Variants in OR56A3 observed in about 807,000 individuals in gnomAD.
The protein encoded by OR56A3 is olfactory receptor 56A3.
A neutral mutation model predicts 17.5 loss-of-function variants in OR56A3; 23 were observed. The observed-to-expected ratio is 1.32, with a 90% CI of 0.95 to 1.87. OR56A3 has a LOEUF of 1.87. OR56A3 is among the 40% of genes most tolerant of loss of function. The probability of loss-of-function intolerance (pLI) is 0.00; values close to 1 mark genes in which losing one functional copy is unlikely to be tolerated. For missense variants in OR56A3, 366 were observed against 380.1 expected (o/e 0.96, Z 0.31); for synonymous variants, 175 against 150.6 (o/e 1.16, Z -1.19).
rs151274696 is a variant in OR56A3, at chr11:5,951,313, A to G, written c.*3019A>G. ...TATCAGAAGGTAAATGATAAACATT[A>G]TTTGTAATTCATTAAATTTTTCTTT... On this transcript the variant is annotated 3_prime_UTR_variant, in exon 3 of 3. Coordinates refer to ENST00000641160, the MANE Select transcript of OR56A3 (RefSeq NM_001003443.3). The G allele has an allele frequency of 3.1e-4, 47 of 152,274 alleles. No homozygotes were observed. The highest frequency in any genetic ancestry group is 1.1e-3 in the African/African-American group (44 of 41,572). 9.4% of individuals were successfully genotyped at this position (152,274 alleles called of 1,614,324 possible).
the OR56A3 span, chr11:6,002,812 G>T: frequency 8.1e-6 from 13 of 1,613,698 alleles, no homozygotes; most frequent in Middle Eastern, 3.4e-4. Context: ...TAGTACAGGG[G>T]CTGGTGCAGA....
the OR56A3 span, among the ~76,000 whole-genome samples, chr11:5,970,014 C>T: frequency 2.0e-5 from 3 of 152,042 alleles, no homozygotes; most frequent in African/African-American, 4.8e-5. Flanking sequence ...GAAAGTTTCA[C>T]GAAACAAAAA....
chr11:5,997,581 G>T, the OR56A3 span, among the ~76,000 whole-genome samples: 2 of 152,140 alleles, frequency 1.3e-5, no homozygotes, highest in African/African-American at 2.4e-5. Flanking sequence ...AAACACAGAA[G>T]ATAAAATCCA....
the OR56A3 span, among the ~76,000 whole-genome samples, chr11:6,014,667 A>C: frequency 6.6e-6 from 1 of 152,144 alleles, no homozygotes; most frequent in African/African-American, 2.4e-5. Context: ...TGTTGGAAGA[A>C]TGTGGAGGGC....
chr11:6,000,822 G>T, the OR56A3 span: 3 of 152,114 alleles, frequency 2.0e-5, no homozygotes, highest in Non-Finnish European at 2.9e-5. Context: ...GTATGTTAGG[G>T]CTAGAATATA....
chr11:5,980,607 A>T, the OR56A3 span, among the ~76,000 whole-genome samples: 1 of 152,194 alleles, frequency 6.6e-6, no homozygotes, highest in African/African-American at 2.4e-5. Flanking sequence ...AAGACAGCAT[A>T]TAGTTGGGTC....
chr11:6,013,940 A>G, the OR56A3 span, among the ~76,000 whole-genome samples: 5 of 152,276 alleles, frequency 3.3e-5, no homozygotes, highest in East Asian at 9.7e-4. Context: ...CACTGCCAAC[A>G]CAATGCATGC....
In OR56A3 at chr11:5,951,094, G is replaced by T. The variant is rs1266761457; in HGVS notation, c.*2800G>T. ...TGAGTGCTAAATCTTGGAAACCAAG[G>T]TGAGAAGATTTATTTTTAAAAGAAG... On this transcript the variant is annotated 3_prime_UTR_variant, in exon 3 of 3. Transcript: ENST00000641160. The T allele has an allele frequency of 6.6e-6, 1 of 151,986 alleles. No homozygotes were observed. Among genetic ancestry groups the T allele is most frequent in the Non-Finnish European group, 1.5e-5 (1 of 67,952 alleles). The allele number at this position is 151,986 out of a possible 1,614,324, so 9.4% of individuals were successfully genotyped here.
chr11:6,010,676 C>A, the OR56A3 span, among the ~76,000 whole-genome samples: 1 of 152,176 alleles, frequency 6.6e-6, no homozygotes, highest in Non-Finnish European at 1.5e-5. Context: ...GGTAGTTTGT[C>A]ATAGCAGCAT....
the OR56A3 span, chr11:6,001,922 A>G: frequency 1.2e-6 from 1 of 864,912 alleles, no homozygotes; most frequent in Non-Finnish European, 1.7e-6. Flanking sequence ...TGAGATATTG[A>G]GAACAGAAGA....
In OR56A3 at chr11:5,947,323, A is replaced by C. The variant is rs760710290; in HGVS notation, c.-24A>C. 4.5e-6 allele frequency: 7 copies of C among 1,539,130 alleles called. No individual in the cohort carries two copies. In the Admixed American group the frequency reaches 6.0e-5, roughly 13 times the overall value. On this transcript the variant is annotated 5_prime_UTR_variant, in exon 3 of 3. Transcript: ENST00000641160. ...CATAATTTTCCAGATCACTGAAAGA[A>C]AGCAGTAAAATATATGGGAAAATAT...
the OR56A3 span, among the ~76,000 whole-genome samples, chr11:5,961,561 A>G: frequency 6.6e-6 from 1 of 152,084 alleles, no homozygotes; most frequent in Non-Finnish European, 1.5e-5. Flanking sequence ...ATACTCGTTA[A>G]GAGTCATCAC....
the OR56A3 span, among the ~76,000 whole-genome samples, chr11:5,983,017 G>A: frequency 6.6e-6 from 1 of 152,088 alleles, no homozygotes; most frequent in African/African-American, 2.4e-5. Flanking sequence ...AGTGTTGTCA[G>A]TATTCTTGAT....
At chr11:6,009,878 T>G in the OR56A3 span, among the ~76,000 whole-genome samples, 1 of 152,186 alleles carries the variant, frequency 6.6e-6, no homozygotes, top group African/African-American at 2.4e-5. Flanking sequence ...GAACCTTCTT[T>G]TTAAATTCTC....
the OR56A3 span, among the ~76,000 whole-genome samples, chr11:6,017,455 G>T: frequency 2.6e-5 from 4 of 152,196 alleles, no homozygotes; most frequent in African/African-American, 9.6e-5. Context: ...GCATCTGTCA[G>T]ATTAAGGGTA....
chr11:5,984,845 G>A, the OR56A3 span, among the ~76,000 whole-genome samples: 1 of 152,228 alleles, frequency 6.6e-6, no homozygotes, highest in Middle Eastern at 3.4e-3. Context: ...CTTATCTCCC[G>A]AGCATCTTAC....
At chr11:5,956,998 T>C in the OR56A3 span, among the ~76,000 whole-genome samples, 1 of 151,984 alleles carries the variant, frequency 6.6e-6, no homozygotes, top group African/African-American at 2.4e-5. Context: ...CCACTAAAAA[T>C]AAAAAATTAG....
At chr11:5,996,352 T>C in the OR56A3 span, among the ~76,000 whole-genome samples, 8 of 152,196 alleles carry the variant, frequency 5.3e-5, no homozygotes, top group Non-Finnish European at 1.2e-4. Flanking sequence ...GAAGACCTCA[T>C]TAAGAACAGA....
the OR56A3 span, chr11:6,002,302 T>C: frequency 1.9e-6 from 3 of 1,614,186 alleles, no homozygotes; most frequent in Non-Finnish European, 2.5e-6. Context: ...TCGGCCTTGA[T>C]CCTAAGCACA....
Sources: allele counts gnomAD v4.1 joint callset (sites outside exome capture counted in the v4.1 genomes callset), GRCh38; gene constraint gnomAD v4.1.1; transcripts MANE v1.5; gene names NCBI Gene and HGNC (gene_info 2026-07-23, HGNC 2026-07-21).